Variants in DSCAM observed in about 807,000 individuals in gnomAD.
DSCAM encodes the protein cell adhesion molecule DSCAM.
Under a neutral mutation model 217.7 loss-of-function variants are expected in DSCAM, and 47 were observed. The observed-to-expected ratio is 0.22, with a 90% CI of 0.17 to 0.28. The LOEUF is 0.28. Among genes scored for constraint, DSCAM ranks in the 10% least tolerant of loss-of-function variants. The pLI is 1.00. For missense variants in DSCAM, 2,080 were observed against 2,618.3 expected, an observed-to-expected ratio of 0.79 and a Z score of 4.49; for synonymous variants, 1,056 against 1,015.3, an observed-to-expected ratio of 1.04 and a Z score of -0.76.
rs1022601068 is a variant in DSCAM, at chr21:40,703,683, T to C, written c.361+4771A>G. Among the ~76,000 whole-genome samples, 4 of 152,248 alleles carry C rather than the reference T, an allele frequency of 2.6e-5. No individual in the cohort carries two copies. In the East Asian group the frequency reaches 7.7e-4, roughly 29 times the overall value. On this transcript the variant is annotated intron_variant, in intron 2 of 32. Coordinates refer to ENST00000400454, the MANE Select transcript of DSCAM (RefSeq NM_001389.5). ...TGCGCTGAGCAATTTTATTATATTA[T>C]GATGTGCCTTTGTGCATTTTTTCTT...
At chr21:40,102,938 C>T (rs1193527906) in intron 20 of DSCAM, among the ~76,000 whole-genome samples, 2 of 152,194 alleles carry the variant, frequency 1.3e-5, no homozygotes, top group African/African-American at 2.4e-5. Context: ...CATCCCTCTA[C>T]TCCTTTTACT....
At chr21:40,493,232 T>G (rs2076090387) in intron 3 of DSCAM, among the ~76,000 whole-genome samples, 1 of 152,190 alleles carries the variant, frequency 6.6e-6, no homozygotes, top group South Asian at 2.1e-4. Flanking sequence ...AATATTAGCT[T>G]ATTATTAGGA....
intron 3 of DSCAM, among the ~76,000 whole-genome samples, chr21:40,692,312 A>T (rs928514973): frequency 3.3e-5 from 5 of 152,260 alleles, no homozygotes; most frequent in African/African-American, 1.2e-4. Flanking sequence ...ATTCATATGC[A>T]AATATACATT....
chr21:40,440,097 T>G (rs895599702), intron 3 of DSCAM, among the ~76,000 whole-genome samples: 1 of 152,166 alleles, frequency 6.6e-6, no homozygotes, highest in African/African-American at 2.4e-5. Flanking sequence ...TGTAGGAACA[T>G]GTATCTGCAC....
intron 10 of DSCAM, among the ~76,000 whole-genome samples, chr21:40,295,147 A>G (rs1211571633): frequency 6.6e-6 from 1 of 152,168 alleles, no homozygotes; most frequent in African/African-American, 2.4e-5. Context: ...AATACCTCAC[A>G]ATAATTAAAC....
intron 3 of DSCAM, among the ~76,000 whole-genome samples, chr21:40,435,099 C>T (rs1601641686): frequency 1.3e-5 from 2 of 152,326 alleles, no homozygotes; most frequent in Admixed American, 1.3e-4. Flanking sequence ...TCTCCTTAGG[C>T]AGGAGGTGGC....
In DSCAM at chr21:40,637,122, T is replaced by A. The variant is rs12710461; in HGVS notation, c.508+55688A>T. ...CCCTTCTCATTCATATATATATATATATATATAAATATATAAATATATATA... is the reference window on the plus strand; with the variant it reads ...CCCTTCTCATTCATATATATATATAAATATATAAATATATAAATATATATA... On this transcript the variant is annotated intron_variant, in intron 3 of 32. Transcript: ENST00000400454. 1.6e-3 allele frequency among the ~76,000 whole-genome samples: 81 copies of A among 50,128 alleles called. 2 individuals are homozygous for A. Among genetic ancestry groups the A allele is most frequent in the Admixed American group, 4.2e-3 (10 of 2,390 alleles). The allele number at this position is 50,128 out of a possible 152,430, so 32.9% of individuals were successfully genotyped here.
At chr21:40,722,771 G>A (rs2090915078) in intron 1 of DSCAM, among the ~76,000 whole-genome samples, 1 of 151,830 alleles carries the variant, frequency 6.6e-6, no homozygotes, top group Non-Finnish European at 1.5e-5. Context: ...CTAACTATAC[G>A]CTATCCAGGA....
At chr21:40,177,999 T>C (rs909229601) in intron 15 of DSCAM, among the ~76,000 whole-genome samples, 1 of 152,186 alleles carries the variant, frequency 6.6e-6, no homozygotes, top group Non-Finnish European at 1.5e-5. Context: ...ATTGCTCTGA[T>C]GGTGGGCAGG....
chr21:40,177,899 A>G (rs761588140), intron 15 of DSCAM, among the ~76,000 whole-genome samples: 2 of 152,208 alleles, frequency 1.3e-5, no homozygotes, highest in African/African-American at 2.4e-5. Context: ...TCTGTTAGCC[A>G]TCTGGGTGTG....
chr21:40,038,800 A>T (rs2088682640), intron 32 of DSCAM, among the ~76,000 whole-genome samples: 1 of 150,686 alleles, frequency 6.6e-6, no homozygotes, highest in East Asian at 2.0e-4. Flanking sequence ...GGATTAAGAA[A>T]ATGTGGCACA....
intron 11 of DSCAM, among the ~76,000 whole-genome samples, chr21:40,223,949 T>A (rs1035583038): frequency 1.3e-5 from 2 of 152,216 alleles, no homozygotes; most frequent in Non-Finnish European, 2.9e-5. Flanking sequence ...CCCCACATGC[T>A]GTGGGTCCCT....
At chr21:40,781,746 T>C (rs1026964977) in intron 1 of DSCAM, among the ~76,000 whole-genome samples, 5 of 152,064 alleles carry the variant, frequency 3.3e-5, no homozygotes, top group African/African-American at 1.2e-4. Context: ...TTATTGCTTC[T>C]CAACAGACCT....
intron 3 of DSCAM, among the ~76,000 whole-genome samples, chr21:40,658,598 AT>A (rs2090101284): frequency 6.6e-6 from 1 of 152,228 alleles, no homozygotes; most frequent in South Asian, 2.1e-4. Context: ...AATCTGTAAA[AT>A]ATGGCTGCAT....
intron 1 of DSCAM, among the ~76,000 whole-genome samples, chr21:40,733,128 A>G (rs2091029528): frequency 6.6e-6 from 1 of 152,238 alleles, no homozygotes; most frequent in Non-Finnish European, 1.5e-5. Flanking sequence ...ACATGCATGC[A>G]GGTGCTGGAG....
chr21:40,331,048 T>C (rs938335062), intron 8 of DSCAM, among the ~76,000 whole-genome samples: 3 of 152,248 alleles, frequency 2.0e-5, no homozygotes, highest in Admixed American at 6.5e-5. Flanking sequence ...AAGTTAACCA[T>C]TGCTCCACTT....
At chr21:40,031,975 A>T (rs563222044) in intron 32 of DSCAM, among the ~76,000 whole-genome samples, 53 of 152,216 alleles carry the variant, frequency 3.5e-4, no homozygotes, top group African/African-American at 6.5e-4. Flanking sequence ...CCTTGCCCCT[A>T]GTCTCCAGCC....
At chr21:40,417,250 C>G (rs1208001806) in intron 3 of DSCAM, among the ~76,000 whole-genome samples, 1 of 151,810 alleles carries the variant, frequency 6.6e-6, no homozygotes, top group Non-Finnish European at 1.5e-5. Flanking sequence ...TATTATTATA[C>G]TTAAAGTTTT....
chr21:40,673,976 G>T (rs770695711), intron 3 of DSCAM, among the ~76,000 whole-genome samples: 2 of 152,082 alleles, frequency 1.3e-5, no homozygotes, highest in African/African-American at 4.8e-5. Flanking sequence ...TCTAAAAAGA[G>T]AAAATAAAAA....
Sources: gnomAD v4.1 joint callset for allele counts (sites outside exome capture counted in the v4.1 genomes callset) on GRCh38, gnomAD v4.1.1 for gene constraint, MANE v1.5 for transcripts, NCBI Gene and HGNC (gene_info 2026-07-23, HGNC 2026-07-21) for gene names.